MMD2: variants seen among roughly 807,000 people sequenced by gnomAD.
MMD2 encodes the protein monocyte to macrophage differentiation associated 2, also known as monocyte to macrophage differentiation factor 2.
MMD2 carries 30 observed loss-of-function variants against 33.5 expected under a neutral mutation model. That is an observed-to-expected ratio of 0.90 (90% CI 0.67 to 1.22). The LOEUF is 1.22. Among genes scored for constraint, MMD2 ranks in the 50% most tolerant of loss-of-function variants. The pLI, the probability that MMD2 is intolerant of heterozygous loss-of-function variation, is 0.00. For synonymous variants in MMD2, 129 were observed against 123.0 expected (o/e 1.05, Z -0.32); for missense variants, 364 against 325.4 (o/e 1.12, Z -0.91).
At chr7:4,919,836 C>A (rs773204339) in intron 3 of MMD2, among the ~76,000 whole-genome samples, 2 of 152,104 alleles carry the variant, frequency 1.3e-5, no homozygotes, top group Non-Finnish European at 2.9e-5. Context: ...GCGGAGGTTG[C>A]AATGAGCTGA....
intron 1 of MMD2, among the ~76,000 whole-genome samples, chr7:4,936,078 G>A (rs1043293500): frequency 2.6e-5 from 4 of 151,082 alleles, no homozygotes; most frequent in South Asian, 2.1e-4. Context: ...TCAGCTACTC[G>A]GGAGGCTGAG....
At chr7:4,912,199 G>A (rs186941551) in intron 4 of MMD2, among the ~76,000 whole-genome samples, 2 of 152,240 alleles carry the variant, frequency 1.3e-5, no homozygotes, top group East Asian at 3.9e-4. Context: ...ATATTGTGAG[G>A]TGTTCAGGAG....
chr7:4,910,575 AC>A (rs151214748), intron 5 of MMD2, among the ~76,000 whole-genome samples: 1,583 of 150,870 alleles, frequency 0.01, 27 homozygotes, highest in African/African-American at 0.037. Flanking sequence ...GCATGTGACC[AC>A]CCCCGCCTCC....
At position 4,953,475 on chromosome 7, in the gene MMD2, C is replaced by CT. The variant is rs34343195; in HGVS notation, c.47+5495dup. Reference sequence around the variant, plus strand: ...GTTTCATTTTCGTGTGATTCAGTCTCTTTTTTTTTTTTTAAGATGGAGTCT... The same window carrying CT: ...GTTTCATTTTCGTGTGATTCAGTCTCTTTTTTTTTTTTTTAAGATGGAGTCT... On this transcript the variant is annotated intron_variant, in intron 1 of 6. Transcript: ENST00000401401. 8.1e-4 allele frequency among the ~76,000 whole-genome samples: 114 copies of CT among 141,254 alleles called. 2 individuals carry two copies. The highest frequency in any genetic ancestry group is 1.9e-3 in the South Asian group (8 of 4,278). The allele number at this position is 141,254 out of a possible 152,430, so 92.7% of individuals were successfully genotyped here.
At position 4,956,075 on chromosome 7, in the gene MMD2, G is replaced by C. The variant is rs555027491; in HGVS notation, c.47+2896C>G. On this transcript the variant is annotated intron_variant, in intron 1 of 6. Coordinates refer to ENST00000401401, the MANE Select transcript of MMD2 (RefSeq NM_198403.4). ...CTCAAAACTAAATAAATAAAATAAA[G>C]CCACATCTGTGGCTTGTATATTACT... Among the ~76,000 whole-genome samples, 5 of 151,954 alleles carry C rather than the reference G, an allele frequency of 3.3e-5. No homozygotes were observed. In the South Asian group the frequency reaches 1.0e-3, roughly 32 times the overall value.
chr7:4,911,291 C>A lies in MMD2; in HGVS notation c.366-45G>T, dbSNP rs1028316532. Reference sequence around the variant, plus strand: ...GGCCATGGCCCTGAGGGGGGCCCACCAGGACCCCGGCCCTCGAGGACCGGC... The same window carrying A: ...GGCCATGGCCCTGAGGGGGGCCCACAAGGACCCCGGCCCTCGAGGACCGGC... On this transcript the variant is annotated intron_variant, in intron 4 of 6. Coordinates refer to ENST00000401401, the MANE Select transcript of MMD2 (RefSeq NM_198403.4). 4.0e-6 allele frequency: 6 copies of A among 1,482,254 alleles called. No homozygotes were observed. The Admixed American group carries it at 1.2e-4, about 29-fold the overall frequency. The allele number at this position is 1,482,254 out of a possible 1,614,324, so 91.8% of individuals were successfully genotyped here. A position where few individuals can be genotyped will look rare whatever the true frequency, so the allele number is the denominator to read the frequency against.
intron 1 of MMD2, among the ~76,000 whole-genome samples, chr7:4,958,415 G>C (rs774701324): frequency 1.3e-5 from 2 of 152,092 alleles, no homozygotes; most frequent in Non-Finnish European, 2.9e-5. Context: ...AGGGGACCAC[G>C]GAGTTCACAC....
At chr7:4,924,370 CG>C (rs1033513453) in intron 2 of MMD2, among the ~76,000 whole-genome samples, 8 of 152,084 alleles carry the variant, frequency 5.3e-5, no homozygotes, top group Non-Finnish European at 1.2e-4. Flanking sequence ...CAGGTCAGGG[CG>C]GGGGGTTTGA....
chr7:4,908,892 A>G (rs1159475336), intron 6 of MMD2, among the ~76,000 whole-genome samples: 2 of 145,742 alleles, frequency 1.4e-5, no homozygotes, highest in East Asian at 4.1e-4. Context: ...GTGAGACTCC[A>G]TCTCAAAAAA....
chr7:4,939,464 A>C (rs1372545363), intron 1 of MMD2, among the ~76,000 whole-genome samples: 1 of 151,698 alleles, frequency 6.6e-6, no homozygotes, highest in Non-Finnish European at 1.5e-5. Flanking sequence ...AATAGCTTGA[A>C]CCCAGGAATT....
At chr7:4,928,279 A>C (rs755390002) in intron 1 of MMD2, among the ~76,000 whole-genome samples, 2 of 152,192 alleles carry the variant, frequency 1.3e-5, no homozygotes, top group Non-Finnish European at 2.9e-5. Context: ...ATGGGTCACT[A>C]AGCATTTATT....
At chr7:4,957,152 T>G (rs1786405420) in intron 1 of MMD2, among the ~76,000 whole-genome samples, 1 of 131,498 alleles carries the variant, frequency 7.6e-6, no homozygotes, top group Non-Finnish European at 1.6e-5. Flanking sequence ...GGCAACAGAG[T>G]GAGACTGTCT....
At chr7:4,895,055 C>T in the MMD2 span, among the ~76,000 whole-genome samples, 1 of 151,022 alleles carries the variant, frequency 6.6e-6, no homozygotes, top group African/African-American at 2.4e-5. Context: ...CTTGCATCCC[C>T]GACTGCTTGC....
rs1454828875 is a variant in MMD2 at position 4,946,229 on chromosome 7, ACGCACACACACG to A, written c.47+12730_47+12741del. 6.6e-6 allele frequency among the ~76,000 whole-genome samples: 1 copy of A among 151,490 alleles called. No individual in the cohort carries two copies. The highest frequency in any genetic ancestry group is 2.4e-5 in the African/African-American group (1 of 41,238). ...CGCATGCACACACATGCACACATAC[ACGCACACACACG>A]CACACCCCACCCCGTGCACACAATC... On this transcript the variant is annotated intron_variant, in intron 1 of 6. Coordinates refer to ENST00000401401, the MANE Select transcript of MMD2 (RefSeq NM_198403.4). This position sits in a 1 kb window ranked among gnomAD's most constrained non-coding sequence, Gnocchi z 5.0.
At chr7:4,902,432 C>T (rs947303605), downstream of MMD2, among the ~76,000 whole-genome samples, 2 of 152,162 alleles carry the variant, frequency 1.3e-5, no homozygotes, top group African/African-American at 4.8e-5. Flanking sequence ...TCGGGAAAAT[C>T]ACCAAACCTC....
At position 4,908,152 on chromosome 7, in the gene MMD2, T is replaced by G. The variant is rs530790075; in HGVS notation, c.538-553A>C. On this transcript the variant is annotated intron_variant, in intron 6 of 6. Transcript: ENST00000401401. ...AACTTATCTTATCTGGTTTTGTTTT[T>G]TTTTTTTTTGAGACACAGTTGCTCT... Among the ~76,000 whole-genome samples the G allele has an allele frequency of 2.9e-4, 44 of 151,816 alleles. No individual in the cohort carries two copies. The South Asian group carries it at 3.3e-3, about 12-fold the overall frequency.
rs28538734 is a variant in MMD2 at position 4,913,199 on chromosome 7, G to A, written c.366-1953C>T. Among the ~76,000 whole-genome samples the A allele has an allele frequency of 2.3e-3, 343 of 152,226 alleles. 2 individuals are homozygous for A. The highest frequency in any genetic ancestry group is 7.6e-3 in the African/African-American group (314 of 41,544). Reference sequence around the variant, plus strand: ...ATCCTTCCAAGTAGACCTAAAAATAGGTCACTGGGTAGAAGGATAGGACGG... The same window carrying A: ...ATCCTTCCAAGTAGACCTAAAAATAAGTCACTGGGTAGAAGGATAGGACGG... On this transcript the variant is annotated intron_variant, in intron 4 of 6. Transcript: ENST00000401401.
intron 1 of MMD2, among the ~76,000 whole-genome samples, chr7:4,941,035 G>A (rs998504213): frequency 6.6e-6 from 1 of 152,170 alleles, no homozygotes; most frequent in East Asian, 1.9e-4. Context: ...GTGAGAAGGG[G>A]CCATGGTCAT....
rs149069795 is a variant in MMD2, at chr7:4,937,432, A to G, written c.48-11900T>C. On this transcript the variant is annotated intron_variant, in intron 1 of 6. Transcript: ENST00000401401. ...AAAGAAAGAAAAAGAAAGAAAGAGA[A>G]AGAAAGAAAGGAAGAAAGGAAGGAA... Among the ~76,000 whole-genome samples the G allele has an allele frequency of 6.5e-3, 990 of 151,860 alleles. 8 individuals are homozygous for G. Among genetic ancestry groups the G allele is most frequent in the African/African-American group, 0.023 (954 of 41,466 alleles).
Sources: allele counts gnomAD v4.1 joint callset (sites outside exome capture counted in the v4.1 genomes callset), GRCh38; gene constraint gnomAD v4.1.1; non-coding constraint Gnocchi (gnomAD v3.1); transcripts MANE v1.5; gene names NCBI Gene and HGNC (gene_info 2026-07-23, HGNC 2026-07-21).